SLC35E1: variants seen among roughly 807,000 people sequenced by gnomAD.
SLC35E1 encodes the protein solute carrier family 35, member E1.
A neutral mutation model predicts 31.0 loss-of-function variants in SLC35E1; 12 were observed. That is an observed-to-expected ratio of 0.39 (90% CI 0.25 to 0.63). SLC35E1 has a LOEUF of 0.63. Ranked by LOEUF, SLC35E1 falls within the 20% of genes least tolerant of loss-of-function variation. The pLI is 0.52. For synonymous variants in SLC35E1, 257 were observed against 264.1 expected (o/e 0.97, Z 0.26); for missense variants, 429 against 572.2 (o/e 0.75, Z 2.55).
At chr19:16,558,720 T>C (rs1023861828) in intron 4 of SLC35E1, among the ~76,000 whole-genome samples, 1 of 152,060 alleles carries the variant, frequency 6.6e-6, no homozygotes, top group Non-Finnish European at 1.5e-5. Flanking sequence ...TTCAAGTTAT[T>C]GGCTCCTTCC....
intron 4 of SLC35E1, 44 bp downstream of exon 4, chr19:16,566,488 A>G (rs1351130413): frequency 6.2e-7 from 1 of 1,610,364 alleles, no homozygotes; most frequent in Non-Finnish European, 8.5e-7. Flanking sequence ...CCTATTCTGG[A>G]ACTAGCCAAG....
intron 1 of SLC35E1, 76 bp from the exon 2 acceptor site, chr19:16,571,658 T>C (rs1389924643): frequency 1.8e-5 from 27 of 1,495,170 alleles, no homozygotes; most frequent in Non-Finnish European, 2.2e-5. Context: ...CACGGCGGGA[T>C]GGGAGGGCCT....
intron 3 of SLC35E1, among the ~76,000 whole-genome samples, chr19:16,566,970 G>C (rs1183547446): frequency 6.6e-6 from 1 of 152,172 alleles, no homozygotes; most frequent in Non-Finnish European, 1.5e-5. Flanking sequence ...TCTAAAATAC[G>C]ACCAGACAAA....
In SLC35E1 at chr19:16,555,266, G is replaced by A; in HGVS notation, c.888C>T (p.Ala296=). The A allele has an allele frequency of 1.2e-6, 2 of 1,614,194 alleles. No homozygotes were observed. The highest frequency in any genetic ancestry group is 1.7e-6 in the Non-Finnish European group (2 of 1,180,028). The part of the protein sequence containing the change: ...VSPLSYSVAN[A]TKRIMVITVS... ...CCGTGATGACCATGATTCTTTTGGT[G>A]GCATTGGCGACCGAGTAGCTCAGGG... The change falls in exon 5 of 6, where the codon GCC becomes GCT. Residue 296 remains alanine, a synonymous_variant. Transcript: ENST00000595753. The surrounding 1 kb of genome is among the most constrained non-coding windows in gnomAD (Gnocchi z 4.1).
chr19:16,571,661 G>T, intron 1 of SLC35E1, 79 bp from the exon 2 acceptor site: 1 of 1,499,310 alleles, frequency 6.7e-7, no homozygotes. Context: ...GGCGGGATGG[G>T]AGGGCCTGGC....
In SLC35E1 at chr19:16,550,093, G is replaced by A. The variant is rs1402705310; in HGVS notation, c.*3586C>T. 1 of 152,182 alleles carries A rather than the reference G, an allele frequency of 6.6e-6. No homozygotes were observed. Among genetic ancestry groups the A allele is most frequent in the Non-Finnish European group, 1.5e-5 (1 of 68,056 alleles). 9.4% of individuals were successfully genotyped at this position (152,182 alleles called of 1,614,324 possible). ...TAGGACAAATATACAGCAAAATTCA[G>A]AAACTGCAAGTGCTTCCTCACTTGA... is the stretch of plus-strand genomic sequence containing the variant. On this transcript the variant is annotated 3_prime_UTR_variant, in exon 6 of 6. Transcript: ENST00000595753.
rs1354081075 is a variant in SLC35E1 at position 16,550,939 on chromosome 19, T to C, written c.*2740A>G. The C allele has an allele frequency of 6.6e-6, 1 of 152,180 alleles. No homozygotes were observed. The allele number at this position is 152,180 out of a possible 1,614,324, so 9.4% of individuals were successfully genotyped here. On this transcript the variant is annotated 3_prime_UTR_variant, in exon 6 of 6. Coordinates refer to ENST00000595753, the MANE Select transcript of SLC35E1 (RefSeq NM_024881.5). ...TTCCCGTCACCAGCAGATCTTGCATTGGAAAAGGAAAATAATATACAAATT... is the reference window on the plus strand; with the variant it reads ...TTCCCGTCACCAGCAGATCTTGCATCGGAAAAGGAAAATAATATACAAATT...
At chr19:16,565,137 A>G (rs1599320777) in intron 4 of SLC35E1, 6 of 456,578 alleles carry the variant, frequency 1.3e-5, no homozygotes, top group South Asian at 7.7e-5. Context: ...CAGACCCTGC[A>G]GGTGGCAAAA....
At chr19:16,570,413 A>G (rs1368866913) in intron 2 of SLC35E1, among the ~76,000 whole-genome samples, 1 of 152,228 alleles carries the variant, frequency 6.6e-6, no homozygotes, top group Admixed American at 6.5e-5. Flanking sequence ...TCTGAGTTAC[A>G]TAAAATACAA....
Position 16,572,391 on chromosome 19 carries a change from C to T in SLC35E1, c.-27G>A. On this transcript the variant is annotated 5_prime_UTR_variant, in exon 1 of 6. Transcript: ENST00000595753. This position sits in a 1 kb window ranked among gnomAD's most constrained non-coding sequence, Gnocchi z 4.1. ...CTGCCCGAGCGGCCGCCCCTTCCAG[C>T]CCGTCCGACGGCCCGACGCCGGGCG... The T allele has an allele frequency of 1.0e-6, 1 of 989,562 alleles. No individual in the cohort carries two copies. Among genetic ancestry groups the T allele is most frequent in the South Asian group, 4.5e-5 (1 of 22,150 alleles). 61.3% of individuals were successfully genotyped at this position (989,562 alleles called of 1,614,324 possible).
intron 4 of SLC35E1, among the ~76,000 whole-genome samples, chr19:16,557,444 C>T (rs1464355275): frequency 2.6e-5 from 4 of 152,150 alleles, no homozygotes; most frequent in African/African-American, 7.2e-5. Context: ...CCACCTGCCT[C>T]GGCCTCCCAA....
At position 16,568,157 on chromosome 19, in the gene SLC35E1, G is replaced by A; in HGVS notation, c.505C>T (p.Leu169Phe). 6.2e-7 allele frequency: 1 copy of A among 1,611,588 alleles called. No individual in the cohort carries two copies. Among genetic ancestry groups the A allele is most frequent in the East Asian group, 2.2e-5 (1 of 44,772 alleles). Residue 169 changes from leucine (L) to phenylalanine (F), a missense_variant, in exon 3 of 6, where the codon CTC becomes TTC. Transcript: ENST00000595753. The part of the protein sequence containing the change: ...EKQSTKVYLS[L>F]IPIISGVLLA... ...AGGACACCGCTGATGATGGGGATGA[G>A]TGACAAGTATACCTGCAGGAAGAGG...
At chr19:16,565,489 C>T (rs564822030) in intron 4 of SLC35E1, 44 of 177,084 alleles carry the variant, frequency 2.5e-4, no homozygotes, top group African/African-American at 9.4e-4. Flanking sequence ...GGATTATAGG[C>T]GTAAGCCACC....
chr19:16,553,835 C>T lies in SLC35E1; in HGVS notation c.1077G>A (p.Glu359=), dbSNP rs754052000. The T allele has an allele frequency of 6.2e-7, 1 of 1,613,872 alleles. No homozygotes were observed. The highest frequency in any genetic ancestry group is 1.7e-5 in the Admixed American group (1 of 59,976). Residue 359 remains glutamate (E), a synonymous_variant, in exon 6 of 6, where the codon GAG becomes GAA. Coordinates refer to ENST00000595753, the MANE Select transcript of SLC35E1 (RefSeq NM_024881.5). ...GCTTCTCCAGTGGGCTCCGGTGACG[C>T]TCCTTGCTGCTCAGGTCTGCTGTGG... ...PVTTADLSSK[E]RHRSPLEKPH...
chr19:16,558,494 A>T (rs1052971637), intron 4 of SLC35E1, among the ~76,000 whole-genome samples: 1 of 148,856 alleles, frequency 6.7e-6, no homozygotes, highest in African/African-American at 2.5e-5. Context: ...GCCGCACCAC[A>T]CCTGGCTAAT....
chr19:16,552,404 G>A lies in SLC35E1; in HGVS notation c.*1275C>T, dbSNP rs1021854197. The A allele has an allele frequency of 5.3e-5, 8 of 150,988 alleles. No homozygotes were observed. The highest frequency in any genetic ancestry group is 1.2e-4 in the African/African-American group (5 of 41,040). 9.4% of individuals were successfully genotyped at this position (150,988 alleles called of 1,614,324 possible). On this transcript the variant is annotated 3_prime_UTR_variant, in exon 6 of 6. Coordinates refer to ENST00000595753, the MANE Select transcript of SLC35E1 (RefSeq NM_024881.5). ...TACCCAGGCTGGAGTGCACAATCTC[G>A]GCTCACCACAACTTCTGCCTCCCAG...
At chr19:16,569,779 GCTTGCAGTAA>G (rs2085948785) in intron 2 of SLC35E1, among the ~76,000 whole-genome samples, 1 of 152,210 alleles carries the variant, frequency 6.6e-6, no homozygotes, top group African/African-American at 2.4e-5. Context: ...AGGAGGCGGA[GCTTGCAGTAA>G]GCTGAGATCG....
rs542816135 is a variant in SLC35E1 at position 16,549,888 on chromosome 19, C to A, written c.*3791G>T. The A allele has an allele frequency of 1.3e-5, 2 of 152,280 alleles. No individual in the cohort carries two copies. Among genetic ancestry groups the A allele is most frequent in the East Asian group, 1.9e-4 (1 of 5,186 alleles). 9.4% of individuals were successfully genotyped at this position (152,280 alleles called of 1,614,324 possible). ...GGTAAATGCCAGTGAGGAATATACA[C>A]GTCATTCCTGCAGAAAAGTCTATAG... is the stretch of plus-strand genomic sequence containing the variant. On this transcript the variant is annotated 3_prime_UTR_variant, in exon 6 of 6. Coordinates refer to ENST00000595753, the MANE Select transcript of SLC35E1 (RefSeq NM_024881.5).
Position 16,568,060 on chromosome 19 carries a change from A to C in SLC35E1, c.602T>G (p.Phe201Cys), listed in dbSNP as rs1568274926. 6.2e-7 allele frequency: 1 copy of C among 1,613,144 alleles called. No homozygotes were observed. The highest frequency in any genetic ancestry group is 8.5e-7 in the Non-Finnish European group (1 of 1,179,662). The part of the protein sequence containing the change: ...LVSALAATLC[F>C]SLQNIFSKKV... ...TTTGGAGAAAATGTTCTGAAGCGAG[A>C]AGCACAGCGTGGCGGCGAGGGCGCT... The change falls in exon 3 of 6, where the codon TTC (phenylalanine) becomes TGC (cysteine). Residue 201 changes from phenylalanine (F) to cysteine (C), a missense_variant. Physicochemically the swap from Phe to Cys is radical, Grantham distance 205 (BLOSUM62 -2). Transcript: ENST00000595753.
Sources: gnomAD v4.1 joint callset for allele counts (sites outside exome capture counted in the v4.1 genomes callset) on GRCh38, gnomAD v4.1.1 for gene constraint, Gnocchi (gnomAD v3.1) non-coding constraint, MANE v1.5 for transcripts, NCBI Gene and HGNC (gene_info 2026-07-23, HGNC 2026-07-21) for gene names.